Variants in SORCS1 observed in about 807,000 individuals in gnomAD.
SORCS1 encodes sortilin related VPS10 domain containing receptor 1.
SORCS1 carries 60 observed loss-of-function variants against 146.1 expected under a neutral mutation model. The observed-to-expected ratio is 0.41, with a 90% confidence interval of 0.33 to 0.51. The LOEUF is 0.51. Among genes scored for constraint, SORCS1 ranks in the 20% least tolerant of loss-of-function variants. The probability of loss-of-function intolerance (pLI) is 0.21; values close to 1 mark genes in which losing one functional copy is unlikely to be tolerated. For synonymous variants in SORCS1, 637 were observed against 584.0 expected (o/e 1.09, Z -1.31); for missense variants, 1,352 against 1,487.6 (o/e 0.91, Z 1.50).
chr10:106,946,237 C>A (rs1020172410), intron 2 of SORCS1, among the ~76,000 whole-genome samples: 5 of 152,148 alleles, frequency 3.3e-5, no homozygotes, highest in African/African-American at 1.2e-4. Context: ...TTTAATGATA[C>A]TTAATAAGAC....
rs1443909136 is a variant in SORCS1, at chr10:107,008,991, G to A, written c.559-52411C>T. On this transcript the variant is annotated intron_variant, in intron 1 of 25. Coordinates refer to ENST00000263054, the MANE Select transcript of SORCS1 (RefSeq NM_052918.5). The stretch of plus-strand genomic sequence containing the variant: ...CAGCCTGGTGACAGAGCGAGACTCC[G>A]TCTCAAAACAAAACTAAACAAAACA... Among the ~76,000 whole-genome samples, 4 of 152,268 alleles carry A rather than the reference G, an allele frequency of 2.6e-5. No homozygotes were observed. In the East Asian group the frequency reaches 5.8e-4, roughly 22 times the overall value.
chr10:107,024,358 G>A (rs1958299569), intron 1 of SORCS1, among the ~76,000 whole-genome samples: 1 of 151,968 alleles, frequency 6.6e-6, no homozygotes, highest in Non-Finnish European at 1.5e-5. Context: ...AGAGTGAGAA[G>A]AGAGTTACCA....
At chr10:106,783,321 G>A (rs1861038483) in intron 3 of SORCS1, among the ~76,000 whole-genome samples, 1 of 152,186 alleles carries the variant, frequency 6.6e-6, no homozygotes. Flanking sequence ...ATTTGCTCAA[G>A]GTTGCACAGC....
rs115152197 is a variant in SORCS1, at chr10:107,150,787, G to A, written c.558+13182C>T. Among the ~76,000 whole-genome samples the A allele has an allele frequency of 3.5e-3, 533 of 152,238 alleles. 4 individuals are homozygous for A. Among genetic ancestry groups the A allele is most frequent in the African/African-American group, 0.012 (503 of 41,552 alleles). ...ATGGTTTTACAAGGGGCTTTTCCCC[G>A]TCTTCACTCTACACTTCTCTCCCCT... On this transcript the variant is annotated intron_variant, in intron 1 of 25. Coordinates refer to ENST00000263054, the MANE Select transcript of SORCS1 (RefSeq NM_052918.5).
chr10:107,168,565 C>A (rs894681933), upstream of SORCS1, among the ~76,000 whole-genome samples: 13 of 151,308 alleles, frequency 8.6e-5, no homozygotes, highest in Non-Finnish European at 1.9e-4. Flanking sequence ...ACCAGTATAA[C>A]AAGCCTAGGA....
At chr10:107,050,799 G>A (rs921680826) in intron 1 of SORCS1, among the ~76,000 whole-genome samples, 5 of 152,142 alleles carry the variant, frequency 3.3e-5, no homozygotes, top group African/African-American at 1.2e-4. Context: ...TTGCAGGCTA[G>A]AGAGTGAAGC....
chr10:107,040,300 C>T (rs1019069463), intron 1 of SORCS1, among the ~76,000 whole-genome samples: 2 of 152,196 alleles, frequency 1.3e-5, no homozygotes. Flanking sequence ...GGGGCTTATG[C>T]TCAGATCAGT....
intron 2 of SORCS1, among the ~76,000 whole-genome samples, chr10:106,856,651 T>C (rs763728171): frequency 6.6e-6 from 1 of 152,208 alleles, no homozygotes; most frequent in Non-Finnish European, 1.5e-5. Context: ...CAGTTGTCAC[T>C]GTGGGGAGCT....
rs184623314 is a variant in SORCS1, at chr10:106,984,080, G to A, written c.559-27500C>T. Among the ~76,000 whole-genome samples the A allele has an allele frequency of 3.6e-3, 543 of 152,256 alleles. 1 individual carries two copies. Among genetic ancestry groups the A allele is most frequent in the Non-Finnish European group, 5.8e-3 (396 of 68,028 alleles). Reference sequence around the variant, plus strand: ...GGGTTAATGGAAGTTAACAATACACGTTATGTATCACAGGACTTGAACCAC... The same window carrying A: ...GGGTTAATGGAAGTTAACAATACACATTATGTATCACAGGACTTGAACCAC... On this transcript the variant is annotated intron_variant, in intron 1 of 25. Coordinates refer to ENST00000263054, the MANE Select transcript of SORCS1 (RefSeq NM_052918.5).
At chr10:106,658,422 T>C (rs1030089204) in intron 17 of SORCS1, among the ~76,000 whole-genome samples, 2 of 152,186 alleles carry the variant, frequency 1.3e-5, no homozygotes, top group African/African-American at 4.8e-5. Context: ...ACTCTAGGTC[T>C]TCTTGTACCC....
At chr10:107,096,552 G>A (rs982641797) in intron 1 of SORCS1, among the ~76,000 whole-genome samples, 2 of 151,912 alleles carry the variant, frequency 1.3e-5, no homozygotes, top group African/African-American at 2.4e-5. Context: ...TCCTTCTGTC[G>A]CCAGGCTGGA....
chr10:107,059,880 A>T (rs1490684635), intron 1 of SORCS1, among the ~76,000 whole-genome samples: 15 of 54,668 alleles, frequency 2.7e-4, no homozygotes, highest in East Asian at 2.0e-3. Flanking sequence ...AAAGTAGATT[A>T]AAAAAAAAAA....
chr10:106,968,039 C>G (rs938656160), intron 1 of SORCS1, among the ~76,000 whole-genome samples: 1 of 145,066 alleles, frequency 6.9e-6, no homozygotes, highest in Non-Finnish European at 1.5e-5. Flanking sequence ...CCCGTCTCTA[C>G]TAAAGAAAAA....
At chr10:106,620,792 G>A (rs1847693439) in intron 19 of SORCS1, among the ~76,000 whole-genome samples, 1 of 149,090 alleles carries the variant, frequency 6.7e-6, no homozygotes, top group Non-Finnish European at 1.5e-5. Context: ...TAACACCTGA[G>A]TTAGGTGTGT....
At chr10:106,707,764 A>G (rs969890986) in intron 7 of SORCS1, among the ~76,000 whole-genome samples, 1 of 152,164 alleles carries the variant, frequency 6.6e-6, no homozygotes, top group Non-Finnish European at 1.5e-5. Flanking sequence ...CAGCCAGCAC[A>G]TGAGCAACCT....
intron 18 of SORCS1, among the ~76,000 whole-genome samples, chr10:106,630,682 G>T (rs1848389679): frequency 6.6e-6 from 1 of 152,112 alleles, no homozygotes; most frequent in Admixed American, 6.5e-5. Context: ...ATTAATTACA[G>T]ATTAATTAGT....
intron 3 of SORCS1, among the ~76,000 whole-genome samples, chr10:106,802,640 A>G (rs1299592941): frequency 6.6e-6 from 1 of 152,146 alleles, no homozygotes; most frequent in East Asian, 1.9e-4. Flanking sequence ...CTGGGATTAC[A>G]GGCATGCCCC....
At chr10:107,039,847 C>T (rs192533123) in intron 1 of SORCS1, among the ~76,000 whole-genome samples, 26 of 152,286 alleles carry the variant, frequency 1.7e-4, no homozygotes, top group South Asian at 6.2e-4. Context: ...CAGTGGTTCA[C>T]GTCTATAACC....
intron 1 of SORCS1, among the ~76,000 whole-genome samples, chr10:107,041,946 C>A (rs1959168068): frequency 6.6e-6 from 1 of 152,068 alleles, no homozygotes; most frequent in Non-Finnish European, 1.5e-5. Context: ...AAATGCAAAT[C>A]TTTCTTAAAT....
Sources: gnomAD v4.1 joint callset for allele counts (sites outside exome capture counted in the v4.1 genomes callset) on GRCh38, gnomAD v4.1.1 for gene constraint, MANE v1.5 for transcripts, NCBI Gene and HGNC (gene_info 2026-07-23, HGNC 2026-07-21) for gene names.